Variants in BMP1 observed in about 807,000 individuals in gnomAD.
BMP1 encodes the protein bone morphogenetic protein 1.
Under a neutral mutation model 116.8 loss-of-function variants are expected in BMP1, and 63 were observed. That is an observed-to-expected ratio of 0.54 (90% CI 0.44 to 0.67). BMP1 has a LOEUF of 0.67. BMP1 is among the 30% of genes least tolerant of loss of function. The pLI, the probability that BMP1 is intolerant of heterozygous loss-of-function variation, is 0.00. For synonymous variants in BMP1, 536 were observed against 533.4 expected, an observed-to-expected ratio of 1.00 and a Z score of -0.07; for missense variants, 1,183 against 1,358.9, an observed-to-expected ratio of 0.87 and a Z score of 2.04.
intron 16 of BMP1, among the ~76,000 whole-genome samples, chr8:22,202,517 C>G (rs1586470427): frequency 6.6e-6 from 1 of 152,242 alleles, no homozygotes; most frequent in Non-Finnish European, 1.5e-5. Flanking sequence ...AGAACAGGGC[C>G]ACTGCCTTCC....
At chr8:22,208,314 C>T (rs1048369941) in intron 18 of BMP1, among the ~76,000 whole-genome samples, 3 of 152,228 alleles carry the variant, frequency 2.0e-5, no homozygotes, top group Non-Finnish European at 4.4e-5. Context: ...GTTTATTTAG[C>T]AGCCATGAAC....
At position 22,194,772 on chromosome 8, in the gene BMP1, G is replaced by A. The variant is rs1310319424; in HGVS notation, c.1492G>A (p.Gly498Arg). The A allele has an allele frequency of 9.3e-6, 15 of 1,613,378 alleles. No homozygotes were observed. Among genetic ancestry groups the A allele is most frequent in the African/African-American group, 1.3e-5 (1 of 74,888 alleles). ...CTACGACTATCTGGAGGTGCGCGACGGGCACAGTGAGAGCAGCACCCTCAT... is the reference window on the plus strand; with the variant it reads ...CTACGACTATCTGGAGGTGCGCGACAGGCACAGTGAGAGCAGCACCCTCAT... ...CAYDYLEVRD[G>R]HSESSTLIGR... Residue 498 changes from glycine to arginine, a missense_variant, in exon 12 of 20, where the codon GGG (glycine) becomes AGG (arginine). Gly to Arg is a moderately radical substitution (Grantham distance 125). This residue lies in a region of BMP1 where 956 missense variants were observed against 1,135.2 expected (regional missense o/e 0.84). Coordinates refer to ENST00000306385, the MANE Select transcript of BMP1 (RefSeq NM_006129.5). This position sits in a 1 kb window ranked among gnomAD's most constrained non-coding sequence, Gnocchi z 4.5.
rs1433687404 is a variant in BMP1, at chr8:22,194,895, G to T, written c.1615G>T (p.Gly539Cys). ...CTCTGACGGGTCCATTAACAAAGCG[G>T]GCTTTGCCGTCAACTTTTTCAAAGG... ...FVSDGSINKA[G>C]FAVNFFKEVD... Residue 539 changes from glycine (G) to cysteine (C), a missense_variant, in exon 12 of 20, where the codon GGC becomes TGC. By Grantham distance (159) the Gly-to-Cys change is radical. Coordinates refer to ENST00000306385, the MANE Select transcript of BMP1 (RefSeq NM_006129.5). The surrounding 1 kb of genome is among the most constrained non-coding windows in gnomAD (Gnocchi z 4.5). 1 of 1,609,894 alleles carries T rather than the reference G, an allele frequency of 6.2e-7. No individual in the cohort carries two copies. Among genetic ancestry groups the T allele is most frequent in the African/African-American group, 1.3e-5 (1 of 74,586 alleles).
intron 17 of BMP1, 56 bp from the exon 18 acceptor site, chr8:22,207,247 G>A (rs1829378693): frequency 1.3e-6 from 2 of 1,563,286 alleles, no homozygotes; most frequent in African/African-American, 1.4e-5. Flanking sequence ...CCTCATCCTT[G>A]CCCCACCTGC....
In BMP1 at chr8:22,194,070, G is replaced by T; in HGVS notation, c.1193G>T (p.Gly398Val). 2 of 1,614,178 alleles carry T rather than the reference G, an allele frequency of 1.2e-6. No individual in the cohort carries two copies. Among genetic ancestry groups the T allele is most frequent in the Non-Finnish European group, 1.7e-6 (2 of 1,180,014 alleles). Residue 398 changes from glycine to valine, a missense_variant, in exon 10 of 20, where the codon GGG becomes GTG. Coordinates refer to ENST00000306385, the MANE Select transcript of BMP1 (RefSeq NM_006129.5). This position sits in a 1 kb window ranked among gnomAD's most constrained non-coding sequence, Gnocchi z 4.5. ...ACTGTCTGTGCAGGCCGCTTCTGCGGGTCCAAACTCCCTGAGCCTATCGTC... is the reference window on the plus strand; with the variant it reads ...ACTGTCTGTGCAGGCCGCTTCTGCGTGTCCAAACTCCCTGAGCCTATCGTC... ...RKAPLRGRFC[G>V]SKLPEPIVST...
chr8:22,207,915 G>T (rs1303140757), intron 18 of BMP1, among the ~76,000 whole-genome samples: 1 of 151,614 alleles, frequency 6.6e-6, no homozygotes, highest in African/African-American at 2.4e-5. Flanking sequence ...ATGGAGTCTT[G>T]CTCTGTCGCC....
At chr8:22,198,903 A>T in intron 15 of BMP1, 1 of 1,145,148 alleles carries the variant, frequency 8.7e-7, no homozygotes, top group Non-Finnish European at 1.1e-6. Flanking sequence ...CCCACCTGGG[A>T]CTCCTAAGAG....
Position 22,207,457 on chromosome 8 carries a change from T to C in BMP1, c.2516T>C (p.Leu839Pro). The change falls in exon 18 of 20, where the codon CTG becomes CCG. Residue 839 changes from leucine to proline, a missense_variant. By Grantham distance (98) the Leu-to-Pro change is moderately conservative. Around this residue, in one of 4 missense-constraint regions of BMP1, gnomAD observed 956 missense variants for 1,135.2 expected, o/e 0.84. Transcript: ENST00000306385. ...CTGGCCACAGGCAGCCGCATGTTCC[T>C]GCGCTTCTACTCAGATAACTCGGTC... ...PVLATGSRMF[L>P]RFYSDNSVQR... 6.2e-7 allele frequency: 1 copy of C among 1,614,104 alleles called. No individual in the cohort carries two copies. The highest frequency in any genetic ancestry group is 8.5e-7 in the Non-Finnish European group (1 of 1,180,042).
chr8:22,211,275 G>A (rs1829458174), intron 19 of BMP1, among the ~76,000 whole-genome samples: 1 of 152,238 alleles, frequency 6.6e-6, no homozygotes, highest in Non-Finnish European at 1.5e-5. Flanking sequence ...TAGGCATGGA[G>A]AGCAGAGACC....
chr8:22,208,128 C>T (rs1433168851), intron 18 of BMP1, among the ~76,000 whole-genome samples: 1 of 152,218 alleles, frequency 6.6e-6, no homozygotes, highest in African/African-American at 2.4e-5. Flanking sequence ...AGGTGATCCG[C>T]CCGCCTTGGC....
intron 8 of BMP1, among the ~76,000 whole-genome samples, chr8:22,182,692 T>C (rs1586447202): frequency 6.6e-6 from 1 of 152,338 alleles, no homozygotes; most frequent in East Asian, 1.9e-4. Flanking sequence ...TTCTAAATGG[T>C]CACAGACCAT....
chr8:22,207,574 G>A, intron 18 of BMP1, 58 bp downstream of exon 18: 1 of 1,584,490 alleles, frequency 6.3e-7, no homozygotes, highest in Non-Finnish European at 8.6e-7. Context: ...CTGGGGTAGA[G>A]TCGGGGGTTT....
Position 22,179,705 on chromosome 8 carries a change from G to C in BMP1, c.837G>C (p.Arg279Ser). 3 of 1,613,870 alleles carry C rather than the reference G, an allele frequency of 1.9e-6. No homozygotes were observed. The South Asian group carries it at 3.3e-5, about 18-fold the overall frequency. The change falls in exon 7 of 20, where the codon AGG (arginine) becomes AGC (serine). Residue 279 changes from arginine (R) to serine (S), a missense_variant and splice_region_variant. By Grantham distance (110) the Arg-to-Ser change is moderately radical. Around this residue, in one of 4 missense-constraint regions of BMP1, gnomAD observed 956 missense variants for 1,135.2 expected, o/e 0.84. Transcript: ENST00000306385. This position sits in a 1 kb window ranked among gnomAD's most constrained non-coding sequence, Gnocchi z 4.6. ...IMHYARNTFS[R>S]GIFLDTIVPK... ...CCTTACTTTTCTCCCTCTTCTTCAG[G>C]GGCATCTTCCTGGATACCATTGTCC... is the stretch of plus-strand genomic sequence containing the variant.
chr8:22,201,133 T>G lies in BMP1; in HGVS notation c.2108-670T>G. 3 of 1,564,388 alleles carry G rather than the reference T, an allele frequency of 1.9e-6. No individual in the cohort carries two copies. In the South Asian group the frequency reaches 3.3e-5, roughly 17 times the overall value. ...CTCGTTTCAGAAAAGAGGCCAGCTCTGCAGCCCCCTCGGGGACGCCCCCAC... is the reference window on the plus strand; with the variant it reads ...CTCGTTTCAGAAAAGAGGCCAGCTCGGCAGCCCCCTCGGGGACGCCCCCAC... On this transcript the variant is annotated intron_variant, in intron 15 of 19. Transcript: ENST00000306385.
chr8:22,169,368 T>G (rs1418636827), intron 1 of BMP1: 1 of 152,262 alleles, frequency 6.6e-6, no homozygotes, highest in African/African-American at 2.4e-5. Flanking sequence ...CCCTGTCCAT[T>G]TCTAAGTGCG....
At chr8:22,207,538 G>A (rs760258792) in intron 18 of BMP1, 22 bp downstream of exon 18, 1 of 1,608,872 alleles carries the variant, frequency 6.2e-7, no homozygotes, top group South Asian at 1.1e-5. Flanking sequence ...GGTTGTGGGA[G>A]TGTTCACTGA....
chr8:22,191,898 G>A, intron 8 of BMP1, 151 bp from the exon 9 acceptor site: 1 of 611,006 alleles, frequency 1.6e-6, no homozygotes, highest in Non-Finnish European at 2.9e-6. Context: ...AGGAGGGGCG[G>A]TTCTGTGCCA....
At chr8:22,168,817 C>G (rs1455836854) in intron 1 of BMP1, among the ~76,000 whole-genome samples, 1 of 151,098 alleles carries the variant, frequency 6.6e-6, no homozygotes. Context: ...AATTTGTACT[C>G]TCCCTGGGCC....
chr8:22,178,021 TTC>T, intron 6 of BMP1, 64 bp downstream of exon 6: 1 of 1,311,936 alleles, frequency 7.6e-7, no homozygotes, highest in Non-Finnish European at 1.1e-6. Flanking sequence ...CTGTAGGCTA[TTC>T]TCCTCCTGCC....
Sources: gnomAD v4.1 joint callset for allele counts (sites outside exome capture counted in the v4.1 genomes callset) on GRCh38, gnomAD v4.1.1 for gene constraint, gnomAD v4.1.1 regional missense constraint, Gnocchi (gnomAD v3.1) non-coding constraint, MANE v1.5 for transcripts, NCBI Gene and HGNC (gene_info 2026-07-23, HGNC 2026-07-21) for gene names.